ARK2N: variants seen among roughly 807,000 people sequenced by gnomAD.
ARK2N encodes the protein protein ARK2N.
At chr18:46,201,378 AT>A in the ARK2N span, among the ~76,000 whole-genome samples, 2 of 152,072 alleles carry the variant, frequency 1.3e-5, no homozygotes, top group African/African-American at 2.4e-5. Flanking sequence ...TTGAATATGT[AT>A]TTGTAGTTTC....
At chr18:46,256,428 T>A in the ARK2N span, among the ~76,000 whole-genome samples, 3 of 146,118 alleles carry the variant, frequency 2.1e-5, no homozygotes, top group African/African-American at 2.5e-5. Flanking sequence ...TAAAAAAAAA[T>A]ATTTTTGTAT....
At chr18:46,242,468 A>G in the ARK2N span, among the ~76,000 whole-genome samples, 1 of 152,218 alleles carries the variant, frequency 6.6e-6, no homozygotes, top group African/African-American at 2.4e-5. Context: ...TTGTTAGCCT[A>G]TTTAAAAATC....
the ARK2N span, chr18:46,216,533 G>A: frequency 1.2e-6 from 2 of 1,614,040 alleles, no homozygotes; most frequent in Non-Finnish European, 1.7e-6. The surrounding 1 kb of genome is among the most constrained non-coding windows in gnomAD (Gnocchi z 4.3). Flanking sequence ...TCAAGCACGA[G>A]CTCATCAGAT....
At chr18:46,250,377 A>C in the ARK2N span, among the ~76,000 whole-genome samples, 1 of 152,070 alleles carries the variant, frequency 6.6e-6, no homozygotes, top group Admixed American at 6.6e-5. Context: ...TTATTAGTGC[A>C]CTGAATGGCA....
chr18:46,174,411 G>A, the ARK2N span: 1 of 152,518 alleles, frequency 6.6e-6, no homozygotes, highest in Admixed American at 6.5e-5. Flanking sequence ...GGGAGGGGTC[G>A]GGGCGAATCG....
the ARK2N span, among the ~76,000 whole-genome samples, chr18:46,225,539 A>G: frequency 2.0e-4 from 30 of 152,216 alleles, no homozygotes; most frequent in African/African-American, 7.2e-4. Context: ...GCCCACTGCA[A>G]ACTCCGCCTC....
At chr18:46,187,547 G>A in the ARK2N span, among the ~76,000 whole-genome samples, 1 of 151,970 alleles carries the variant, frequency 6.6e-6, no homozygotes, top group Non-Finnish European at 1.5e-5. Context: ...TCACCATGCT[G>A]GTCAGGCTGG....
At chr18:46,207,816 G>A in the ARK2N span, among the ~76,000 whole-genome samples, 7 of 152,274 alleles carry the variant, frequency 4.6e-5, no homozygotes, top group South Asian at 1.5e-3. Context: ...AGCACTCTTG[G>A]ATTCTATCTT....
chr18:46,227,879 T>C, the ARK2N span, among the ~76,000 whole-genome samples: 1 of 152,202 alleles, frequency 6.6e-6, no homozygotes, highest in Non-Finnish European at 1.5e-5. Flanking sequence ...ATTATAGGCG[T>C]GAGCCACTGT....
chr18:46,200,968 T>C, the ARK2N span, among the ~76,000 whole-genome samples: 2 of 132,014 alleles, frequency 1.5e-5, no homozygotes, highest in Non-Finnish European at 1.6e-5. Context: ...GATTACATCA[T>C]TTTCTTTTTT....
the ARK2N span, among the ~76,000 whole-genome samples, chr18:46,224,664 C>T: frequency 6.6e-6 from 1 of 150,884 alleles, no homozygotes; most frequent in African/African-American, 2.4e-5. Context: ...GTTAAAGATT[C>T]AGTCAGTTGT....
At chr18:46,248,522 C>T in the ARK2N span, among the ~76,000 whole-genome samples, 6 of 152,064 alleles carry the variant, frequency 3.9e-5, no homozygotes, top group Admixed American at 3.3e-4. Context: ...TTCCTTCTAC[C>T]CCTCCTTACT....
chr18:46,192,580 T>C, the ARK2N span, among the ~76,000 whole-genome samples: 1 of 150,964 alleles, frequency 6.6e-6, no homozygotes, highest in Admixed American at 6.6e-5. Context: ...CATCTCAATT[T>C]TTTTTTTTTG....
At chr18:46,188,962 C>A in the ARK2N span, among the ~76,000 whole-genome samples, 2 of 152,198 alleles carry the variant, frequency 1.3e-5, no homozygotes, top group Non-Finnish European at 2.9e-5. Flanking sequence ...CGCCTGTAAT[C>A]CCAACACTTT....
chr18:46,194,367 G>A, the ARK2N span, among the ~76,000 whole-genome samples: 3 of 152,102 alleles, frequency 2.0e-5, no homozygotes, highest in East Asian at 2.0e-4. Flanking sequence ...TTGGGAGGCC[G>A]AGGCGGATGG....
chr18:46,266,509 C>T, the ARK2N span: 1 of 152,418 alleles, frequency 6.6e-6, no homozygotes. Context: ...ACTTCTTATT[C>T]TCTTAACAAA....
the ARK2N span, among the ~76,000 whole-genome samples, chr18:46,245,333 C>T: frequency 3.3e-5 from 5 of 151,658 alleles, no homozygotes; most frequent in South Asian, 2.1e-4. Flanking sequence ...TTTGGGAGTC[C>T]GAGGTGGGCA....
the ARK2N span, among the ~76,000 whole-genome samples, chr18:46,252,468 T>C: frequency 6.6e-6 from 1 of 151,902 alleles, no homozygotes; most frequent in Non-Finnish European, 1.5e-5. Flanking sequence ...AGAGATGGGG[T>C]TTCAACCATG....
the ARK2N span, chr18:46,240,050 C>T: frequency 6.2e-7 from 1 of 1,614,198 alleles, no homozygotes; most frequent in East Asian, 2.2e-5. Context: ...GACACCAACT[C>T]TGACCCAGAA....
Sources: allele counts gnomAD v4.1 joint callset (sites outside exome capture counted in the v4.1 genomes callset), GRCh38; gene constraint gnomAD v4.1.1; non-coding constraint Gnocchi (gnomAD v3.1); transcripts MANE v1.5; gene names NCBI Gene and HGNC (gene_info 2026-07-23, HGNC 2026-07-21).